The following CDKN2B-AS1 variants were observed in gnomAD, a reference collection of about 807,000 sequenced individuals.
CDKN2B-AS1 encodes CDKN2B and CDKN2A antisense cis and trans regulatory RNA 1, also known as CDKN2B antisense RNA 1 (non-protein coding).
chr9:22,107,889 A>AGATT (rs1825701812), intron 4 of CDKN2B-AS1, among the ~76,000 whole-genome samples: 1 of 152,226 alleles, frequency 6.6e-6, no homozygotes. Flanking sequence ...TGTATTAGGT[A>AGATT]AGGCATTCTA....
At chr9:22,071,398 A>G (rs1273674641) in intron 4 of CDKN2B-AS1, among the ~76,000 whole-genome samples, 2 of 145,362 alleles carry the variant, frequency 1.4e-5, no homozygotes, top group Non-Finnish European at 3.0e-5. Context: ...AAGCATCTAC[A>G]TGTGAGGGCC....
chr9:22,026,729 T>G (rs1389155320), intron 1 of CDKN2B-AS1, among the ~76,000 whole-genome samples: 1 of 152,188 alleles, frequency 6.6e-6, no homozygotes, highest in African/African-American at 2.4e-5. Context: ...AAGTCGCAGC[T>G]ACTTTTGCCC....
At chr9:22,102,844 G>T (rs1825530296) in intron 4 of CDKN2B-AS1, among the ~76,000 whole-genome samples, 1 of 152,150 alleles carries the variant, frequency 6.6e-6, no homozygotes, top group Non-Finnish European at 1.5e-5. Context: ...CAAGGGTGTG[G>T]CCAGCAACTC....
At chr9:22,093,224 A>G (rs988170017) in intron 4 of CDKN2B-AS1, among the ~76,000 whole-genome samples, 1 of 143,782 alleles carries the variant, frequency 7.0e-6, no homozygotes, top group African/African-American at 2.6e-5. Flanking sequence ...TTTGCTGAGG[A>G]GTGCTTTACT....
intron 4 of CDKN2B-AS1, among the ~76,000 whole-genome samples, chr9:22,072,167 A>AT (rs1339914062): frequency 6.6e-6 from 1 of 152,184 alleles, no homozygotes; most frequent in Non-Finnish European, 1.5e-5. Context: ...ACTTGGGCCC[A>AT]TTTAGAGTAC....
In CDKN2B-AS1 at chr9:22,090,198, G is replaced by A. The variant is rs1178479652; in HGVS notation, n.438+33811G>A. 3.3e-5 allele frequency among the ~76,000 whole-genome samples: 5 copies of A among 152,174 alleles called. No homozygotes were observed. In the East Asian group the frequency reaches 7.7e-4, roughly 24 times the overall value. ...CTGCATAGTATTCCATGGTGTATAT[G>A]TGCCACATTTTCTTAATCCACTCTA... On this transcript the variant is annotated intron_variant and non_coding_transcript_variant, in intron 4 of 4. Transcript: ENST00000650946.
intron 1 of CDKN2B-AS1, among the ~76,000 whole-genome samples, chr9:22,016,562 A>G (rs1821769321): frequency 6.6e-6 from 1 of 152,222 alleles, no homozygotes; most frequent in Non-Finnish European, 1.5e-5. Flanking sequence ...ACAAGGCTAC[A>G]GTAACCAAAA....
chr9:22,009,216 G>C (rs1164907298), intron 1 of CDKN2B-AS1: 1 of 594,938 alleles, frequency 1.7e-6, no homozygotes, highest in Non-Finnish European at 3.0e-6. Flanking sequence ...AAAGCGCCTA[G>C]CGCGGACGCA....
intron 1 of CDKN2B-AS1, among the ~76,000 whole-genome samples, chr9:22,044,164 A>G (rs1055443844): frequency 2.6e-5 from 4 of 151,992 alleles, no homozygotes; most frequent in African/African-American, 9.7e-5. Flanking sequence ...ATGTTTTAGT[A>G]TTTGTACTTT....
intron 4 of CDKN2B-AS1, among the ~76,000 whole-genome samples, chr9:22,091,042 T>C (rs1003105115): frequency 6.6e-6 from 1 of 152,204 alleles, no homozygotes; most frequent in Non-Finnish European, 1.5e-5. Flanking sequence ...GCTTTCTACA[T>C]ATGGCTAGCC....
At chr9:22,014,686 G>A (rs979657813) in intron 1 of CDKN2B-AS1, among the ~76,000 whole-genome samples, 1 of 151,738 alleles carries the variant, frequency 6.6e-6, no homozygotes, top group Non-Finnish European at 1.5e-5. Flanking sequence ...GTATACATGT[G>A]CCATGCTGGT....
intron 1 of CDKN2B-AS1, chr9:22,004,329 C>G (rs1273804945): frequency 8.6e-6 from 2 of 232,108 alleles, no homozygotes; most frequent in Non-Finnish European, 1.7e-5. Context: ...TTCCTTTTTT[C>G]TCTTTTAAAT....
intron 4 of CDKN2B-AS1, among the ~76,000 whole-genome samples, chr9:22,090,053 C>A (rs185255144): frequency 1.9e-3 from 276 of 148,740 alleles, no homozygotes; most frequent in African/African-American, 6.4e-3. Flanking sequence ...GTTCAATTCC[C>A]ACCTATGAGT....
chr9:22,118,745 A>G (rs1563992648), intron 4 of CDKN2B-AS1: 1 of 152,202 alleles, frequency 6.6e-6, no homozygotes, highest in Non-Finnish European at 1.5e-5. Context: ...ATTCCAGTGC[A>G]AGTATGGTCT....
At chr9:22,042,692 C>T (rs1192026359) in intron 1 of CDKN2B-AS1, among the ~76,000 whole-genome samples, 2 of 152,030 alleles carry the variant, frequency 1.3e-5, no homozygotes, top group Non-Finnish European at 2.9e-5. Context: ...TCAGACCCAA[C>T]AGTAAGATTT....
chr9:22,072,162 G>A (rs1824321578), intron 4 of CDKN2B-AS1, among the ~76,000 whole-genome samples: 1 of 152,078 alleles, frequency 6.6e-6, no homozygotes, highest in African/African-American at 2.4e-5. Context: ...GGGTAACTTG[G>A]GCCCATTTAG....
chr9:22,067,144 C>T (rs1389841796), intron 4 of CDKN2B-AS1, among the ~76,000 whole-genome samples: 2 of 152,046 alleles, frequency 1.3e-5, no homozygotes, highest in Non-Finnish European at 2.9e-5. Context: ...AGCACACCAA[C>T]ATAGCACATG....
chr9:22,079,782 C>T (rs1824632660), intron 4 of CDKN2B-AS1, among the ~76,000 whole-genome samples: 1 of 152,130 alleles, frequency 6.6e-6, no homozygotes, highest in Admixed American at 6.5e-5. Flanking sequence ...TGCCCATGTC[C>T]CTTCTCCACC....
intron 4 of CDKN2B-AS1, among the ~76,000 whole-genome samples, chr9:22,082,690 C>A (rs549127771): frequency 6.6e-6 from 1 of 152,258 alleles, no homozygotes; most frequent in East Asian, 1.9e-4. Context: ...ATATTTTATA[C>A]CTGTAGTAAA....
Sources: allele counts gnomAD v4.1 joint callset (sites outside exome capture counted in the v4.1 genomes callset), GRCh38; gene constraint gnomAD v4.1.1; transcripts MANE v1.5; gene names NCBI Gene and HGNC (gene_info 2026-07-23, HGNC 2026-07-21).